The following ASTN2 variants were observed in gnomAD, a reference collection of about 807,000 sequenced individuals.
ASTN2 encodes astrotactin 2.
ASTN2 carries 54 observed loss-of-function variants against 139.8 expected under a neutral mutation model. The ratio of observed to expected loss-of-function variants is 0.39; its 90% CI spans 0.31 to 0.48. The LOEUF (loss-of-function observed/expected upper bound fraction) is 0.48. Ranked by LOEUF, ASTN2 falls within the 20% of genes least tolerant of loss-of-function variation. The pLI is 0.95. For missense variants in ASTN2, 1,565 were observed against 1,725.1 expected (o/e 0.91, Z 1.64); for synonymous variants, 756 against 719.5 (o/e 1.05, Z -0.81).
intron 2 of ASTN2, among the ~76,000 whole-genome samples, chr9:117,255,844 G>A (rs1220287131): frequency 6.6e-6 from 1 of 152,162 alleles, no homozygotes; most frequent in Non-Finnish European, 1.5e-5. Flanking sequence ...ACCGGGGCAA[G>A]TACCACAATG....
chr9:116,699,368 T>G lies in ASTN2; in HGVS notation c.2806+26403A>C, dbSNP rs760108488. The G allele has an allele frequency of 6.2e-7, 1 of 1,614,096 alleles. No individual in the cohort carries two copies. Among genetic ancestry groups the G allele is most frequent in the African/African-American group, 1.3e-5 (1 of 74,938 alleles). On this transcript the variant is annotated intron_variant, in intron 16 of 22. Coordinates refer to ENST00000313400, the MANE Select transcript of ASTN2 (RefSeq NM_001365068.1). This position sits in a 1 kb window ranked among gnomAD's most constrained non-coding sequence, Gnocchi z 4.2. ...GCCTCAATCTGGAGAATCGGCAGAATGAGCACCACCTGGAGGGTGGCTTTT... is the reference window on the plus strand; with the variant it reads ...GCCTCAATCTGGAGAATCGGCAGAAGGAGCACCACCTGGAGGGTGGCTTTT...
chr9:117,174,329 G>A (rs1197816856), intron 3 of ASTN2, among the ~76,000 whole-genome samples: 1 of 151,964 alleles, frequency 6.6e-6, no homozygotes, highest in East Asian at 1.9e-4. Flanking sequence ...AAATAAGTGA[G>A]TCTCAGGAAA....
chr9:116,703,526 T>G (rs2132084459), intron 16 of ASTN2, among the ~76,000 whole-genome samples: 1 of 141,018 alleles, frequency 7.1e-6, no homozygotes, highest in East Asian at 2.1e-4. Context: ...AATTGAACAA[T>G]GAGATCACAT....
chr9:116,734,690 T>A (rs961577754), intron 13 of ASTN2, among the ~76,000 whole-genome samples: 1 of 152,154 alleles, frequency 6.6e-6, no homozygotes, highest in Non-Finnish European at 1.5e-5. Flanking sequence ...AACAAAAATA[T>A]GTGATGCCAA....
chr9:116,503,688 T>C (rs192793600), intron 19 of ASTN2, among the ~76,000 whole-genome samples: 41 of 152,266 alleles, frequency 2.7e-4, no homozygotes, highest in African/African-American at 9.4e-4. Context: ...CACACATACA[T>C]ACTGCAATGT....
chr9:117,049,894 G>A (rs1032672123), intron 5 of ASTN2, among the ~76,000 whole-genome samples: 1 of 152,174 alleles, frequency 6.6e-6, no homozygotes, highest in Non-Finnish European at 1.5e-5. Context: ...AGATTAAATT[G>A]CAGTGTGTAG....
chr9:116,663,574 C>T (rs191813599), intron 16 of ASTN2, among the ~76,000 whole-genome samples: 15 of 152,314 alleles, frequency 9.8e-5, no homozygotes, highest in Non-Finnish European at 2.1e-4. Context: ...AGTTACTTCT[C>T]CGTTAGCTCC....
At chr9:116,559,414 T>C (rs531451263) in intron 19 of ASTN2, among the ~76,000 whole-genome samples, 6 of 152,220 alleles carry the variant, frequency 3.9e-5, no homozygotes, top group African/African-American at 1.2e-4. Flanking sequence ...CTGAAGCACA[T>C]ACACAGTTTA....
intron 5 of ASTN2, among the ~76,000 whole-genome samples, chr9:117,071,999 C>G (rs372492110): frequency 5.3e-5 from 8 of 152,126 alleles, no homozygotes; most frequent in East Asian, 3.9e-4. Flanking sequence ...GAGCTGAGAC[C>G]GGAGCTGTTC....
intron 5 of ASTN2, among the ~76,000 whole-genome samples, chr9:117,049,906 T>A (rs924357718): frequency 4.6e-5 from 7 of 151,870 alleles, no homozygotes; most frequent in African/African-American, 1.2e-4. Context: ...AGTGTGTAGA[T>A]GAGAAATAGT....
chr9:117,349,357 A>G (rs949708589), intron 1 of ASTN2, among the ~76,000 whole-genome samples: 9 of 152,146 alleles, frequency 5.9e-5, no homozygotes, highest in African/African-American at 2.2e-4. Context: ...TTGCCTCCCT[A>G]TCTAAGAAAA....
chr9:116,545,736 T>C (rs1273610144), intron 19 of ASTN2: 1 of 152,128 alleles, frequency 6.6e-6, no homozygotes, highest in Non-Finnish European at 1.5e-5. Flanking sequence ...CAACAAACAT[T>C]TTCTGAATAT....
chr9:116,676,331 T>C (rs1859497774), intron 16 of ASTN2, among the ~76,000 whole-genome samples: 1 of 152,242 alleles, frequency 6.6e-6, no homozygotes, highest in Admixed American at 6.5e-5. Flanking sequence ...TCTTAGGCCA[T>C]AGCAAATCTG....
At chr9:117,197,643 G>A (rs1831550812) in intron 3 of ASTN2, among the ~76,000 whole-genome samples, 2 of 152,126 alleles carry the variant, frequency 1.3e-5, no homozygotes, top group South Asian at 4.1e-4. Context: ...ATGTATGTAT[G>A]TTATGGCTAT....
chr9:117,023,182 G>A (rs1304221296), intron 6 of ASTN2, among the ~76,000 whole-genome samples: 2 of 152,090 alleles, frequency 1.3e-5, no homozygotes, highest in African/African-American at 4.8e-5. Flanking sequence ...AAAGAATACT[G>A]CTCAGAGCTC....
At chr9:117,116,119 G>C (rs1028994188) in intron 4 of ASTN2, among the ~76,000 whole-genome samples, 2 of 151,632 alleles carry the variant, frequency 1.3e-5, no homozygotes, top group African/African-American at 4.8e-5. Flanking sequence ...GCAGAATGAA[G>C]TATAATAAGG....
intron 11 of ASTN2, among the ~76,000 whole-genome samples, chr9:116,849,288 C>T (rs995670085): frequency 4.6e-5 from 7 of 152,084 alleles, no homozygotes; most frequent in African/African-American, 7.2e-5. Flanking sequence ...ACCTTTAAGC[C>T]CTTCTCCCCA....
At chr9:117,173,563 G>A (rs980839835) in intron 3 of ASTN2, among the ~76,000 whole-genome samples, 4 of 151,928 alleles carry the variant, frequency 2.6e-5, no homozygotes, top group African/African-American at 9.7e-5. Flanking sequence ...ATAAAATACA[G>A]TAAAATTAGT....
At chr9:116,992,544 A>C (rs1314875140) in intron 7 of ASTN2, among the ~76,000 whole-genome samples, 2 of 152,184 alleles carry the variant, frequency 1.3e-5, no homozygotes, top group Non-Finnish European at 2.9e-5. Context: ...CATTCAGTTC[A>C]TTCTGGTCCC....
Sources: allele counts gnomAD v4.1 joint callset (sites outside exome capture counted in the v4.1 genomes callset), GRCh38; gene constraint gnomAD v4.1.1; non-coding constraint Gnocchi (gnomAD v3.1); transcripts MANE v1.5; gene names NCBI Gene and HGNC (gene_info 2026-07-23, HGNC 2026-07-21).